LDLRAD4: variants seen among roughly 807,000 people sequenced by gnomAD.
The protein encoded by LDLRAD4 is low-density lipoprotein receptor class A domain-containing protein 4.
Under a neutral mutation model 17.0 loss-of-function variants are expected in LDLRAD4, and 5 were observed. That is an observed-to-expected ratio of 0.29 (90% confidence interval 0.15 to 0.62). The LOEUF is 0.62. Among genes scored for constraint, LDLRAD4 ranks in the 20% least tolerant of loss-of-function variants. LDLRAD4 has a pLI of 0.84. For missense variants in LDLRAD4, 340 were observed against 424.7 expected (o/e 0.80, Z 1.75); for synonymous variants, 168 against 171.8 (o/e 0.98, Z 0.17).
At chr18:13,529,025 C>T (rs2094083533) in intron 3 of LDLRAD4, among the ~76,000 whole-genome samples, 1 of 152,238 alleles carries the variant, frequency 6.6e-6, no homozygotes, top group Admixed American at 6.5e-5. Flanking sequence ...GCCAGAGACA[C>T]TGGCCCAACT....
chr18:13,299,207 C>T (rs1318695064), intron 1 of LDLRAD4, among the ~76,000 whole-genome samples: 1 of 152,150 alleles, frequency 6.6e-6, no homozygotes, highest in African/African-American at 2.4e-5. Context: ...CTGGCGAGAC[C>T]CTCTTTCTGA....
intron 3 of LDLRAD4, chr18:13,614,969 G>A (rs996370602): frequency 5.9e-5 from 9 of 152,424 alleles, no homozygotes; most frequent in African/African-American, 2.2e-4. Context: ...ATGTGGGAGG[G>A]TGGGTGTCTG....
At chr18:13,647,723 GGA>G (rs1199728870) in exon 6 of LDLRAD4, 2 of 152,150 alleles carry the variant, frequency 1.3e-5, no homozygotes, top group African/African-American at 4.8e-5. Context: ...ACTCTTAAAA[GGA>G]GAGAGGAAAA....
At chr18:13,418,650 C>T (rs894543227) in intron 2 of LDLRAD4, among the ~76,000 whole-genome samples, 1 of 152,210 alleles carries the variant, frequency 6.6e-6, no homozygotes, top group Non-Finnish European at 1.5e-5. Context: ...TTTTGGTGTG[C>T]TAAGTTCAAA....
At chr18:13,264,333 CAG>C (rs2044092109) in intron 1 of LDLRAD4, among the ~76,000 whole-genome samples, 1 of 152,288 alleles carries the variant, frequency 6.6e-6, no homozygotes, top group Non-Finnish European at 1.5e-5. Context: ...GAGTTATCCT[CAG>C]AGCAGGCCTT....
intron 4 of LDLRAD4, chr18:13,642,592 G>A: frequency 3.3e-6 from 4 of 1,229,150 alleles, no homozygotes; most frequent in East Asian, 6.3e-5. Context: ...GGCTCGGAAA[G>A]GGCCGTCCAC....
chr18:13,321,876 A>G (rs1220985952), intron 1 of LDLRAD4, among the ~76,000 whole-genome samples: 2 of 28,478 alleles, frequency 7.0e-5, no homozygotes, highest in African/African-American at 2.0e-4. Flanking sequence ...AAAAAAAAAA[A>G]AAAAAAAAAA....
At chr18:13,272,545 G>C (rs997672739) in intron 1 of LDLRAD4, among the ~76,000 whole-genome samples, 2 of 152,220 alleles carry the variant, frequency 1.3e-5, no homozygotes, top group Admixed American at 6.5e-5. Context: ...CCTCTGTCTC[G>C]CTCCTCCTGG....
rs1568391928 is a variant in LDLRAD4 at position 13,602,212 on chromosome 18, T to C, written c.182-18905T>C. Among the ~76,000 whole-genome samples the C allele has an allele frequency of 2.6e-5, 4 of 152,332 alleles. No homozygotes were observed. In the South Asian group the frequency reaches 8.3e-4, roughly 32 times the overall value. ...CTGAAAAACTTCCTATCGGGTATTA[T>C]GCTCACTGTCTTGGAGACAAGATCA... On this transcript the variant is annotated intron_variant, in intron 3 of 5. Coordinates refer to ENST00000359446, the Ensembl canonical transcript of LDLRAD4.
At position 13,581,375 on chromosome 18, in the gene LDLRAD4, GTC is replaced by G. The variant is rs1199333517; in HGVS notation, c.182-39737_182-39736del. ...TATCCTGCAGTCTATGTACAGGCCT[GTC>G]TCTCATTTTCTGTCTCTACTGAACT... On this transcript the variant is annotated intron_variant, in intron 3 of 5. Transcript: ENST00000359446. 1.3e-5 allele frequency among the ~76,000 whole-genome samples: 2 copies of G among 152,136 alleles called. 1 individual carries two copies. The highest frequency in any genetic ancestry group is 2.9e-5 in the Non-Finnish European group (2 of 68,036).
At chr18:13,347,274 C>T (rs1241292262) in intron 1 of LDLRAD4, among the ~76,000 whole-genome samples, 2 of 152,202 alleles carry the variant, frequency 1.3e-5, no homozygotes, top group Non-Finnish European at 2.9e-5. Context: ...CTGGTGGTGA[C>T]AAAATCTCTC....
At chr18:13,301,920 G>A (rs1393493581) in intron 1 of LDLRAD4, among the ~76,000 whole-genome samples, 3 of 152,114 alleles carry the variant, frequency 2.0e-5, no homozygotes, top group Admixed American at 2.0e-4. Context: ...CAGCCCCGCT[G>A]GGCAGCCCTC....
chr18:13,224,917 C>T (rs2041691516), intron 1 of LDLRAD4, among the ~76,000 whole-genome samples: 1 of 151,758 alleles, frequency 6.6e-6, no homozygotes. Context: ...ACTGCAACCT[C>T]CGTCCCAGGT....
chr18:13,511,326 C>T (rs559974712), intron 3 of LDLRAD4, among the ~76,000 whole-genome samples: 16 of 152,090 alleles, frequency 1.1e-4, no homozygotes, highest in South Asian at 2.1e-4. Context: ...TGAGGTCAGG[C>T]GTTCAAGACC....
intron 3 of LDLRAD4, among the ~76,000 whole-genome samples, chr18:13,567,043 C>G (rs1443996216): frequency 6.6e-6 from 1 of 152,208 alleles, no homozygotes; most frequent in Non-Finnish European, 1.5e-5. Context: ...CAAGCCGCGC[C>G]TGGCCCAGGG....
intron 3 of LDLRAD4, among the ~76,000 whole-genome samples, chr18:13,549,807 GT>G (rs1248943289): frequency 2.0e-5 from 3 of 152,076 alleles, no homozygotes; most frequent in Non-Finnish European, 2.9e-5. Flanking sequence ...TTGCTTCCTT[GT>G]TTTTTCTGGG....
chr18:13,282,774 C>T (rs1377096009), intron 1 of LDLRAD4, among the ~76,000 whole-genome samples: 1 of 152,230 alleles, frequency 6.6e-6, no homozygotes, highest in Non-Finnish European at 1.5e-5. Flanking sequence ...TCTCCCAGCT[C>T]CACTAGGCCA....
intron 3 of LDLRAD4, among the ~76,000 whole-genome samples, chr18:13,479,577 C>T (rs887536682): frequency 1.3e-5 from 2 of 151,982 alleles, no homozygotes; most frequent in African/African-American, 4.8e-5. Context: ...GCTGAGATCG[C>T]ACCATGGCAC....
In LDLRAD4 at chr18:13,390,590, C is replaced by T. The variant is rs544793813; in HGVS notation, c.40+2828C>T. The stretch of plus-strand genomic sequence containing the variant: ...GGCTCACTTTAAAGTCTGGGAAGCA[C>T]TGGGAGCTGGCACCCAGCAGAGCAG... On this transcript the variant is annotated intron_variant, in intron 2 of 5. Coordinates refer to ENST00000359446, the Ensembl canonical transcript of LDLRAD4. Among the ~76,000 whole-genome samples the T allele has an allele frequency of 6.8e-4, 103 of 152,156 alleles. 1 individual carries two copies. In the South Asian group the frequency reaches 0.021, roughly 31 times the overall value.
Sources: gnomAD v4.1 joint callset for allele counts (sites outside exome capture counted in the v4.1 genomes callset) on GRCh38, gnomAD v4.1.1 for gene constraint, MANE v1.5 for transcripts, NCBI Gene and HGNC (gene_info 2026-07-23, HGNC 2026-07-21) for gene names.